The following ATP9A variants were observed in gnomAD, a reference collection of about 807,000 sequenced individuals.
ATP9A encodes the protein ATPase phospholipid transporting 9A.
Under a neutral mutation model 144.1 loss-of-function variants are expected in ATP9A, and 52 were observed. The ratio of observed to expected loss-of-function variants is 0.36; its 90% CI spans 0.29 to 0.45. The LOEUF (loss-of-function observed/expected upper bound fraction) is 0.45. ATP9A is among the 20% of genes least tolerant of loss of function. ATP9A has a pLI of 1.00. For synonymous variants in ATP9A, 582 were observed against 557.4 expected (o/e 1.04, Z -0.62); for missense variants, 947 against 1,392.7 (o/e 0.68, Z 5.09).
intron 5 of ATP9A, among the ~76,000 whole-genome samples, chr20:51,696,611 A>T (rs867361847): frequency 7.2e-5 from 11 of 152,130 alleles, no homozygotes; most frequent in African/African-American, 2.7e-4. Flanking sequence ...TTCTAAAAAA[A>T]ACTGGGGGGT....
chr20:51,655,127 T>C (rs1440913182), intron 14 of ATP9A, among the ~76,000 whole-genome samples: 1 of 152,206 alleles, frequency 6.6e-6, no homozygotes, highest in African/African-American at 2.4e-5. Context: ...GTTCCAATTA[T>C]GAGAATAGTT....
chr20:51,711,328 T>C (rs1240158052), intron 4 of ATP9A, among the ~76,000 whole-genome samples: 1 of 152,216 alleles, frequency 6.6e-6, no homozygotes, highest in African/African-American at 2.4e-5. Flanking sequence ...GCATTTTTTT[T>C]TAGCCCAAAA....
chr20:51,656,221 A>C, intron 14 of ATP9A, among the ~76,000 whole-genome samples: 1 of 5,568 alleles, frequency 1.8e-4, no homozygotes, highest in East Asian at 4.4e-3. Context: ...GATGGTTGCA[A>C]AAAAAAAAAA....
chr20:51,614,264 G>A (rs1038111468), intron 22 of ATP9A, among the ~76,000 whole-genome samples: 6 of 152,122 alleles, frequency 3.9e-5, no homozygotes, highest in Non-Finnish European at 8.8e-5. Context: ...AACTTGCAGT[G>A]CAACCATATA....
At position 51,639,483 on chromosome 20, in the gene ATP9A, C is replaced by T; in HGVS notation, c.1528G>A (p.Glu510Lys). The T allele has an allele frequency of 6.2e-7, 1 of 1,612,494 alleles. No individual in the cohort carries two copies. The highest frequency in any genetic ancestry group is 8.5e-7 in the Non-Finnish European group (1 of 1,179,328). The part of the protein sequence containing the change: ...PDEVALVQWT[E>K]SVGLTLVGRD... ...CCCACCAGGGTTAAGCCCACACTTT[C>T]CGTCCACTGTACCAGGGCCACCTAA... is the stretch of plus-strand genomic sequence containing the variant. The change falls in exon 15 of 28, where the codon GAA (glutamate) becomes AAA (lysine). Residue 510 changes from glutamate (E) to lysine (K), a missense_variant. Physicochemically the swap from Glu to Lys is moderately conservative, Grantham distance 56 (BLOSUM62 1). Coordinates refer to ENST00000338821, the MANE Select transcript of ATP9A (RefSeq NM_006045.3).
At chr20:51,619,588 GC>G (rs1418402824) in intron 19 of ATP9A, among the ~76,000 whole-genome samples, 24 of 131,490 alleles carry the variant, frequency 1.8e-4, no homozygotes, top group East Asian at 2.3e-4. Flanking sequence ...GGGGGGGGGG[GC>G]CAGGTACGGT....
At chr20:51,759,268 AGG>A (rs922085941) in intron 1 of ATP9A, among the ~76,000 whole-genome samples, 4 of 152,200 alleles carry the variant, frequency 2.6e-5, no homozygotes, top group Non-Finnish European at 5.9e-5. Flanking sequence ...GTGGCTGAGG[AGG>A]GGGGTGTCTC....
In ATP9A at chr20:51,629,090, A is replaced by G. The variant is rs943470382; in HGVS notation, c.1669-18T>C. The G allele has an allele frequency of 6.3e-7, 1 of 1,595,156 alleles. No homozygotes were observed. The highest frequency in any genetic ancestry group is 2.2e-5 in the East Asian group (1 of 44,802). ...GATTCATCCTAGAGAGGGAGGCCGG[A>G]AGGAATGAGAAACTGAAAGGAACAC... On this transcript the variant is annotated intron_variant, in intron 15 of 27. Transcript: ENST00000338821.
chr20:51,665,340 G>A (rs1230687204), intron 13 of ATP9A, among the ~76,000 whole-genome samples: 1 of 152,166 alleles, frequency 6.6e-6, no homozygotes, highest in Non-Finnish European at 1.5e-5. Context: ...GCACAGTATT[G>A]TGAACATATT....
At chr20:51,604,589 T>C (rs1360959349) in intron 27 of ATP9A, among the ~76,000 whole-genome samples, 1 of 152,100 alleles carries the variant, frequency 6.6e-6, no homozygotes, top group Non-Finnish European at 1.5e-5. Flanking sequence ...AAAAACACTG[T>C]CTACTGCAAT....
Position 51,598,178 on chromosome 20 carries a change from A to G in ATP9A, c.*3033T>C, listed in dbSNP as rs1290819435. 2 of 112,918 alleles carry G rather than the reference A, an allele frequency of 1.8e-5. No homozygotes were observed. The highest frequency in any genetic ancestry group is 3.7e-5 in the Non-Finnish European group (2 of 54,402). The allele number at this position is 112,918 out of a possible 1,614,324, so 7.0% of individuals were successfully genotyped here. A position where few individuals can be genotyped will look rare whatever the true frequency, so the allele number is the denominator to read the frequency against. ...AACTAGTCTGGTGATTTTCTTAGAG[A>G]AAAAAAAAGAGAGACAAAAAGGAAG... On this transcript the variant is annotated 3_prime_UTR_variant, in exon 28 of 28. Transcript: ENST00000338821.
chr20:51,673,112 G>A (rs866828527), intron 11 of ATP9A, among the ~76,000 whole-genome samples: 1 of 152,030 alleles, frequency 6.6e-6, no homozygotes, highest in Non-Finnish European at 1.5e-5. Context: ...AGTAGCTCAC[G>A]CCTGTAACCC....
At chr20:51,628,131 C>A (rs2077257264) in intron 16 of ATP9A, among the ~76,000 whole-genome samples, 1 of 152,198 alleles carries the variant, frequency 6.6e-6, no homozygotes, top group Non-Finnish European at 1.5e-5. Flanking sequence ...ACGCAAAGTG[C>A]AACTCTGCTC....
intron 13 of ATP9A, among the ~76,000 whole-genome samples, chr20:51,661,024 G>C (rs1007596310): frequency 6.6e-6 from 1 of 152,172 alleles, no homozygotes; most frequent in Non-Finnish European, 1.5e-5. Context: ...GGTCACTATT[G>C]GGAGAGGAAT....
Position 51,623,105 on chromosome 20 carries a change from G to T in ATP9A, c.2017-933C>A, listed in dbSNP as rs564761024. On this transcript the variant is annotated intron_variant, in intron 18 of 27. Transcript: ENST00000338821. ...ACCCAGGCAGTGAGACGGGCAGAAG[G>T]AAGGCACCGGGCACCTCTCAGGGCT... 8.7e-4 allele frequency among the ~76,000 whole-genome samples: 132 copies of T among 152,326 alleles called. 1 individual carries two copies. Among genetic ancestry groups the T allele is most frequent in the Non-Finnish European group, 1.3e-3 (87 of 68,038 alleles).
chr20:51,737,245 C>T (rs1205713), intron 1 of ATP9A, among the ~76,000 whole-genome samples: 148,778 of 152,288 alleles, frequency 0.98, 72,698 homozygotes, highest in East Asian at 1. Context: ...TCTCAGTTCA[C>T]AAATTGGAAG....
chr20:51,753,041 G>T (rs2077839231), intron 1 of ATP9A, among the ~76,000 whole-genome samples: 1 of 151,894 alleles, frequency 6.6e-6, no homozygotes, highest in Non-Finnish European at 1.5e-5. Flanking sequence ...GGCAGAAGTT[G>T]CAGTGAGCCA....
At position 51,653,800 on chromosome 20, in the gene ATP9A, TCACGCCTGTAGTCC is replaced by T. The variant is rs570293406; in HGVS notation, c.1506+3124_1506+3137del. Among the ~76,000 whole-genome samples the T allele has an allele frequency of 7.3e-5, 11 of 150,794 alleles. No individual in the cohort carries two copies. The South Asian group carries it at 2.1e-3, about 29-fold the overall frequency. Reference sequence around the variant, plus strand: ...AAAAAAAAAGGCCTGGCACGGTGGCTCACGCCTGTAGTCCCAGCACTATGGGAGGCTGAAGGATC... The same window carrying T: ...AAAAAAAAAGGCCTGGCACGGTGGCTCAGCACTATGGGAGGCTGAAGGATC... On this transcript the variant is annotated intron_variant, in intron 14 of 27. Coordinates refer to ENST00000338821, the MANE Select transcript of ATP9A (RefSeq NM_006045.3).
intron 9 of ATP9A, among the ~76,000 whole-genome samples, chr20:51,686,391 T>C (rs1319622728): frequency 6.9e-6 from 1 of 144,230 alleles, no homozygotes; most frequent in African/African-American, 2.6e-5. Flanking sequence ...ATGTAGGCAA[T>C]AAAAAATTTT....
Sources: gnomAD v4.1 joint callset for allele counts (sites outside exome capture counted in the v4.1 genomes callset) on GRCh38, gnomAD v4.1.1 for gene constraint, MANE v1.5 for transcripts, NCBI Gene and HGNC (gene_info 2026-07-23, HGNC 2026-07-21) for gene names.